The following FAM107B variants were observed in gnomAD, a reference collection of about 807,000 sequenced individuals.
FAM107B encodes family with sequence similarity 107 member B, also known as protein FAM107B.
In FAM107B, 21 loss-of-function variants were observed where a neutral mutation model predicts 31.5. The ratio of observed to expected loss-of-function variants is 0.67; its 90% CI spans 0.47 to 0.96. The LOEUF (loss-of-function observed/expected upper bound fraction) is 0.96. FAM107B is among the 40% of genes least tolerant of loss of function. FAM107B has a pLI of 0.00. For synonymous variants in FAM107B, 157 were observed against 141.5 expected (o/e 1.11, Z -0.78); for missense variants, 452 against 377.1 (o/e 1.20, Z -1.64).
chr10:14,625,786 A>G (rs1007798696), intron 2 of FAM107B, among the ~76,000 whole-genome samples: 2 of 146,624 alleles, frequency 1.4e-5, no homozygotes, highest in African/African-American at 5.0e-5. Flanking sequence ...TTAAATAAAT[A>G]TTCAAGAGTA....
At chr10:14,566,311 A>G (rs769497482) in intron 2 of FAM107B, among the ~76,000 whole-genome samples, 12 of 152,184 alleles carry the variant, frequency 7.9e-5, no homozygotes, top group Non-Finnish European at 1.3e-4. Context: ...GCTTCTAACA[A>G]CAGAAGATAG....
At chr10:14,721,283 G>A (rs1249306646) in intron 1 of FAM107B, among the ~76,000 whole-genome samples, 11 of 152,030 alleles carry the variant, frequency 7.2e-5, no homozygotes, top group Admixed American at 5.9e-4. Context: ...CTTTGCTATT[G>A]TGAATAGTGC....
rs540233289 is a variant in FAM107B at position 14,589,546 on chromosome 10, G to A, written c.470-59031C>T. Among the ~76,000 whole-genome samples the A allele has an allele frequency of 1.3e-4, 20 of 152,188 alleles. No homozygotes were observed. The East Asian group carries it at 1.5e-3, about 12-fold the overall frequency. On this transcript the variant is annotated intron_variant, in intron 2 of 4. Coordinates refer to ENST00000181796, the MANE Select transcript of FAM107B (RefSeq NM_031453.4). Reference sequence around the variant, plus strand: ...TAGGAATAAGGCATTCCTTTAACACGAAATAATGAATTTTAAACAGTAATA... The same window carrying A: ...TAGGAATAAGGCATTCCTTTAACACAAAATAATGAATTTTAAACAGTAATA...
At chr10:14,585,638 G>A (rs1017158801) in intron 2 of FAM107B, among the ~76,000 whole-genome samples, 1 of 152,186 alleles carries the variant, frequency 6.6e-6, no homozygotes, top group African/African-American at 2.4e-5. Context: ...TGGGAGAAAA[G>A]AGCTCTGAAA....
At chr10:14,579,355 A>C (rs1851562016) in intron 2 of FAM107B, among the ~76,000 whole-genome samples, 1 of 152,242 alleles carries the variant, frequency 6.6e-6, no homozygotes, top group South Asian at 2.1e-4. Flanking sequence ...TGCTGAAGAA[A>C]CCGTATATTC....
chr10:14,582,283 G>A (rs973954897), intron 2 of FAM107B, among the ~76,000 whole-genome samples: 1 of 151,842 alleles, frequency 6.6e-6, no homozygotes, highest in Non-Finnish European at 1.5e-5. Flanking sequence ...ACCTCTGGGA[G>A]ATAAATAATG....
intron 2 of FAM107B, among the ~76,000 whole-genome samples, chr10:14,619,757 T>G (rs1332405426): frequency 6.9e-6 from 1 of 144,652 alleles, no homozygotes; most frequent in Non-Finnish European, 1.5e-5. Context: ...AGCACACAAT[T>G]ACATTCTCTT....
intron 2 of FAM107B, among the ~76,000 whole-genome samples, chr10:14,554,584 C>T (rs1849538074): frequency 6.6e-6 from 1 of 152,152 alleles, no homozygotes; most frequent in Non-Finnish European, 1.5e-5. Context: ...ATGAGAGGGG[C>T]AGGGTCTCAA....
At chr10:14,622,150 C>T (rs561323161) in intron 2 of FAM107B, among the ~76,000 whole-genome samples, 6 of 152,122 alleles carry the variant, frequency 3.9e-5, no homozygotes, top group South Asian at 2.1e-4. Context: ...ATGCATCCAA[C>T]GGGGGCCAGG....
intron 1 of FAM107B, among the ~76,000 whole-genome samples, chr10:14,756,122 A>G (rs1832925267): frequency 6.6e-6 from 1 of 152,194 alleles, no homozygotes; most frequent in African/African-American, 2.4e-5. Flanking sequence ...GAACAAATTA[A>G]AGGATGGATC....
At chr10:14,645,803 A>AAGTT (rs1853738182) in intron 2 of FAM107B, among the ~76,000 whole-genome samples, 1 of 152,114 alleles carries the variant, frequency 6.6e-6, no homozygotes, top group Admixed American at 6.5e-5. Context: ...GTTATATGTC[A>AAGTT]CTTTGGCTGA....
At chr10:14,767,049 TATATATAGAGAGAGAGAGAGAG>T (rs1304927554) in intron 1 of FAM107B, among the ~76,000 whole-genome samples, 3 of 36,062 alleles carry the variant, frequency 8.3e-5, no homozygotes, top group African/African-American at 2.9e-4. Context: ...TATATATATA[TATATATAGAGAGAGAGAGAGAG>T]AGAGAGAGAG....
intron 1 of FAM107B, among the ~76,000 whole-genome samples, chr10:14,689,450 C>T (rs4750552): frequency 0.31 from 46,935 of 150,916 alleles, 7,950 homozygotes; most frequent in East Asian, 0.54. Context: ...GCAATCATTG[C>T]AAACTGGGAA....
intron 1 of FAM107B, among the ~76,000 whole-genome samples, chr10:14,759,963 T>C (rs530011638): frequency 1.6e-4 from 25 of 152,250 alleles, no homozygotes; most frequent in African/African-American, 5.3e-4. Flanking sequence ...CCACTCCCCT[T>C]GGTCTCCCTA....
intron 2 of FAM107B, among the ~76,000 whole-genome samples, chr10:14,531,621 C>T (rs1405355237): frequency 6.6e-6 from 1 of 151,440 alleles, no homozygotes; most frequent in Non-Finnish European, 1.5e-5. Context: ...GTGGCTAGAT[C>T]ACTTGAGGCC....
At chr10:14,751,897 G>C (rs1389758119) in intron 1 of FAM107B, among the ~76,000 whole-genome samples, 1 of 152,118 alleles carries the variant, frequency 6.6e-6, no homozygotes, top group Non-Finnish European at 1.5e-5. Flanking sequence ...CTGGGAACAA[G>C]ACCAGTGAGT....
chr10:14,732,301 A>G (rs1368325228), intron 1 of FAM107B, among the ~76,000 whole-genome samples: 3 of 152,186 alleles, frequency 2.0e-5, no homozygotes, highest in Non-Finnish European at 2.9e-5. Context: ...TCTCCACTCT[A>G]TAAACCAGTT....
intron 1 of FAM107B, among the ~76,000 whole-genome samples, chr10:14,671,498 C>G (rs903175963): frequency 1.1e-4 from 16 of 152,078 alleles, no homozygotes; most frequent in African/African-American, 3.9e-4. Context: ...CACGAGCTTC[C>G]CGAGGCTCCA....
At chr10:14,686,751 A>G (rs1229352894) in intron 1 of FAM107B, among the ~76,000 whole-genome samples, 65 of 152,196 alleles carry the variant, frequency 4.3e-4, no homozygotes, top group Non-Finnish European at 7.3e-5. Flanking sequence ...AAATGAACTT[A>G]AAATATGGTC....
Sources: gnomAD v4.1 joint callset for allele counts (sites outside exome capture counted in the v4.1 genomes callset) on GRCh38, gnomAD v4.1.1 for gene constraint, MANE v1.5 for transcripts, NCBI Gene and HGNC (gene_info 2026-07-23, HGNC 2026-07-21) for gene names.